Variants in TUBB8B observed in about 807,000 individuals in gnomAD.
TUBB8B encodes HSA18p11 beta-tubulin 4Q pseudogene.
Under a neutral mutation model 31.9 loss-of-function variants are expected in TUBB8B, and 26 were observed. That is an observed-to-expected ratio of 0.81 (90% confidence interval 0.60 to 1.13). The LOEUF (loss-of-function observed/expected upper bound fraction) is 1.13, where lower values mean the gene tolerates loss of function less well. TUBB8B is among the 50% of genes most tolerant of loss of function. The pLI, the probability that TUBB8B is intolerant of heterozygous loss-of-function variation, is 0.00. For synonymous variants in TUBB8B, 173 were observed against 231.0 expected (o/e 0.75, Z 2.28); for missense variants, 467 against 586.7 (o/e 0.80, Z 2.11).
chr18:60,846 T>G, the TUBB8B span, among the ~76,000 whole-genome samples: 1 of 151,760 alleles, frequency 6.6e-6, no homozygotes, highest in African/African-American at 2.4e-5. Flanking sequence ...CTTCAATTTT[T>G]TTAATGTTTT....
chr18:58,598 G>A, the TUBB8B span, among the ~76,000 whole-genome samples: 9 of 151,674 alleles, frequency 5.9e-5, no homozygotes, highest in South Asian at 1.2e-3. Context: ...CAGCATTTTC[G>A]TCAAAGCCAT....
the TUBB8B span, among the ~76,000 whole-genome samples, chr18:70,194 T>C: frequency 6.6e-6 from 1 of 152,164 alleles, no homozygotes; most frequent in African/African-American, 2.4e-5. Flanking sequence ...GAGAAACTTA[T>C]TGAATCAAAC....
chr18:60,741 T>A, the TUBB8B span, among the ~76,000 whole-genome samples: 1 of 151,790 alleles, frequency 6.6e-6, no homozygotes, highest in Non-Finnish European at 1.5e-5. Context: ...AAGAGCATAC[T>A]GTTTAATGTC....
the TUBB8B span, among the ~76,000 whole-genome samples, chr18:56,412 G>T: frequency 1.3e-5 from 2 of 151,736 alleles, no homozygotes; most frequent in Admixed American, 6.6e-5. Context: ...GCTTTGGATT[G>T]TATGGACATT....
chr18:63,883 C>T, the TUBB8B span, among the ~76,000 whole-genome samples: 6 of 148,578 alleles, frequency 4.0e-5, no homozygotes, highest in East Asian at 2.0e-4. Context: ...AACCCTAGCC[C>T]TAACCCTAAC....
chr18:60,133 C>A, the TUBB8B span, among the ~76,000 whole-genome samples: 12 of 151,680 alleles, frequency 7.9e-5, no homozygotes, highest in Non-Finnish European at 1.3e-4. Context: ...GTCCTACAGA[C>A]ATTTTTTTAT....
In TUBB8B at chr18:47,556, C is replaced by T. The variant is rs746774101; in HGVS notation, c.1169G>A (p.Arg390Lys). Residue 390 changes from arginine (R) to lysine (K), a missense_variant, in exon 4 of 4, where the codon AGG becomes AAG. Arg to Lys is a conservative substitution (Grantham distance 26). Transcript: ENST00000308911. ...GTACCAGTGGAGGAAGGCCTTGCGC[C>T]TGAACATTGCTGTAAACTGCTCTGA... ...CVSEQFTAMFRRKAFLHWYTG... is the reference protein window; with the variant it reads ...CVSEQFTAMFKRKAFLHWYTG... 3 of 1,611,214 alleles carry T rather than the reference C, an allele frequency of 1.9e-6. No homozygotes were observed. Among genetic ancestry groups the T allele is most frequent in the Admixed American group, 1.7e-5 (1 of 59,942 alleles).
chr18:50,483 G>C (rs1169231589), upstream of TUBB8B: 2 of 152,380 alleles, frequency 1.3e-5, no homozygotes, highest in Non-Finnish European at 2.9e-5. Flanking sequence ...CTGGCCGTTT[G>C]GGTCATGTCA....
chr18:64,190 C>T, the TUBB8B span, among the ~76,000 whole-genome samples: 3 of 152,104 alleles, frequency 2.0e-5, no homozygotes, highest in Non-Finnish European at 4.4e-5. Flanking sequence ...AAACTCTAAG[C>T]AAACCCTAAC....
At chr18:55,649 C>T in the TUBB8B span, among the ~76,000 whole-genome samples, 1 of 151,740 alleles carries the variant, frequency 6.6e-6, no homozygotes, top group Admixed American at 6.6e-5. Flanking sequence ...CACCTTCTAC[C>T]AAGTCTCTCC....
At chr18:56,437 T>C in the TUBB8B span, among the ~76,000 whole-genome samples, 1 of 151,918 alleles carries the variant, frequency 6.6e-6, no homozygotes, top group Non-Finnish European at 1.5e-5. Flanking sequence ...AAAATACTGA[T>C]TCTTCCAATA....
chr18:59,691 C>T, the TUBB8B span, among the ~76,000 whole-genome samples: 2 of 151,168 alleles, frequency 1.3e-5, no homozygotes, highest in African/African-American at 4.9e-5. Flanking sequence ...TTACAGGTGC[C>T]CACCACTCCA....
the TUBB8B span, among the ~76,000 whole-genome samples, chr18:69,803 AACAC>A: frequency 5.4e-3 from 813 of 151,892 alleles, no homozygotes; most frequent in African/African-American, 0.019. Context: ...AAATAGCAGA[AACAC>A]ATAGGATTAA....
At chr18:66,439 C>G in the TUBB8B span, among the ~76,000 whole-genome samples, 1 of 152,138 alleles carries the variant, frequency 6.6e-6, no homozygotes, top group Non-Finnish European at 1.5e-5. Context: ...GTAGTCCCAG[C>G]TACTTGGAGG....
chr18:54,610 A>C (rs1345336770), upstream of TUBB8B, among the ~76,000 whole-genome samples: 1 of 151,908 alleles, frequency 6.6e-6, no homozygotes, highest in East Asian at 1.9e-4. Flanking sequence ...AGCACCCACA[A>C]ATAAGTGAGG....
the TUBB8B span, among the ~76,000 whole-genome samples, chr18:56,643 C>T: frequency 2.0e-5 from 3 of 151,620 alleles, no homozygotes; most frequent in South Asian, 4.2e-4. Context: ...TATAGAAATC[C>T]TACTGATTTG....
At chr18:63,042 T>C in the TUBB8B span, among the ~76,000 whole-genome samples, 4 of 152,010 alleles carry the variant, frequency 2.6e-5, no homozygotes, top group South Asian at 8.3e-4. Flanking sequence ...CTCTGCATTA[T>C]ATTGAATTTC....
At chr18:56,782 A>G in the TUBB8B span, among the ~76,000 whole-genome samples, 7 of 152,082 alleles carry the variant, frequency 4.6e-5, no homozygotes, top group East Asian at 1.4e-3. Flanking sequence ...TAAAGGAAAT[A>G]GGTTTAATTG....
chr18:67,723 A>G, the TUBB8B span, among the ~76,000 whole-genome samples: 1 of 152,152 alleles, frequency 6.6e-6, no homozygotes, highest in Non-Finnish European at 1.5e-5. Context: ...GAGGTATCAT[A>G]CTGGTATAAC....
Sources: gnomAD v4.1 joint callset for allele counts (sites outside exome capture counted in the v4.1 genomes callset) on GRCh38, gnomAD v4.1.1 for gene constraint, MANE v1.5 for transcripts, NCBI Gene and HGNC (gene_info 2026-07-23, HGNC 2026-07-21) for gene names.